Variants in ANKS1B observed in about 807,000 individuals in gnomAD.
ANKS1B encodes ankyrin repeat and sterile alpha motif domain containing 1B.
Under a neutral mutation model 148.3 loss-of-function variants are expected in ANKS1B, and 36 were observed. That is an observed-to-expected ratio of 0.24 (90% CI 0.19 to 0.32). ANKS1B has a LOEUF of 0.32. ANKS1B is among the 10% of genes least tolerant of loss of function. The probability of loss-of-function intolerance (pLI) is 1.00; values close to 1 mark genes in which losing one functional copy is unlikely to be tolerated. For missense variants in ANKS1B, 1,157 were observed against 1,542.6 expected (o/e 0.75, Z 4.19); for synonymous variants, 542 against 560.8 (o/e 0.97, Z 0.47).
At chr12:99,943,690 C>T (rs1227468862) in intron 1 of ANKS1B, among the ~76,000 whole-genome samples, 1 of 152,000 alleles carries the variant, frequency 6.6e-6, no homozygotes, top group East Asian at 1.9e-4. Flanking sequence ...CAATTACCCC[C>T]CACCAGGTCC....
At chr12:98,945,143 C>T (rs1403050698) in intron 17 of ANKS1B, among the ~76,000 whole-genome samples, 2 of 152,062 alleles carry the variant, frequency 1.3e-5, no homozygotes, top group Non-Finnish European at 2.9e-5. Flanking sequence ...ATATCAGATT[C>T]CAGATTTCAT....
intron 2 of ANKS1B, among the ~76,000 whole-genome samples, chr12:99,823,487 G>A (rs2082768063): frequency 1.3e-5 from 2 of 152,040 alleles, no homozygotes. Flanking sequence ...TGTAATTTTA[G>A]TAGAGACAGG....
At chr12:99,407,931 A>G (rs1373599681) in intron 11 of ANKS1B, among the ~76,000 whole-genome samples, 1 of 146,220 alleles carries the variant, frequency 6.8e-6, no homozygotes, top group Non-Finnish European at 1.5e-5. Context: ...ACCTAAAGCA[A>G]TCTACAGATT....
At chr12:99,228,333 G>A (rs1358064449) in intron 14 of ANKS1B, among the ~76,000 whole-genome samples, 1 of 152,046 alleles carries the variant, frequency 6.6e-6, no homozygotes, top group Non-Finnish European at 1.5e-5. Flanking sequence ...ATGATTTATT[G>A]TTAAATGAGA....
chr12:99,854,087 G>A (rs2088536400), intron 1 of ANKS1B, among the ~76,000 whole-genome samples: 1 of 152,152 alleles, frequency 6.6e-6, no homozygotes, highest in South Asian at 2.1e-4. Flanking sequence ...CTCGGCTCAT[G>A]TGCAAGCTCC....
intron 22 of ANKS1B, among the ~76,000 whole-genome samples, chr12:98,792,046 T>C (rs1167368687): frequency 2.6e-5 from 4 of 152,214 alleles, no homozygotes; most frequent in Non-Finnish European, 5.9e-5. Context: ...GAAATTTGTA[T>C]ATTTGAAAAT....
intron 9 of ANKS1B, among the ~76,000 whole-genome samples, chr12:99,542,894 A>G (rs901374595): frequency 6.6e-6 from 1 of 152,110 alleles, no homozygotes; most frequent in Non-Finnish European, 1.5e-5. Context: ...CTTGGGGAAG[A>G]AGTATAGATA....
chr12:98,940,221 T>C (rs1236420569), intron 17 of ANKS1B, among the ~76,000 whole-genome samples: 3 of 152,192 alleles, frequency 2.0e-5, no homozygotes, highest in African/African-American at 7.2e-5. Flanking sequence ...CTCCTCCATG[T>C]CTTTGCTCTC....
chr12:98,985,601 T>A (rs1017917750), intron 17 of ANKS1B, among the ~76,000 whole-genome samples: 1 of 151,690 alleles, frequency 6.6e-6, no homozygotes, highest in Non-Finnish European at 1.5e-5. Context: ...CTTCAAATAA[T>A]ATAATAATAT....
chr12:99,354,443 C>T (rs1027328033), intron 12 of ANKS1B, among the ~76,000 whole-genome samples: 4 of 151,918 alleles, frequency 2.6e-5, no homozygotes, highest in Admixed American at 6.6e-5. Flanking sequence ...TTTGTTTGTA[C>T]GTGATGTTGT....
chr12:99,707,637 G>A (rs188150797), intron 8 of ANKS1B, among the ~76,000 whole-genome samples: 5 of 152,144 alleles, frequency 3.3e-5, no homozygotes, highest in Admixed American at 6.5e-5. Context: ...AAGGTGATAT[G>A]TGGGTGGTGA....
At chr12:99,335,730 T>C (rs2088690544) in intron 12 of ANKS1B, among the ~76,000 whole-genome samples, 1 of 152,142 alleles carries the variant, frequency 6.6e-6, no homozygotes, top group Non-Finnish European at 1.5e-5. Flanking sequence ...TGCCACATTT[T>C]CTGTGGTACA....
chr12:99,415,582 T>A (rs1280070495), intron 11 of ANKS1B, among the ~76,000 whole-genome samples: 1 of 152,218 alleles, frequency 6.6e-6, no homozygotes. Flanking sequence ...CACTCATGTT[T>A]CTTTTTCCTA....
intron 1 of ANKS1B, among the ~76,000 whole-genome samples, chr12:99,958,939 T>C (rs2095363834): frequency 6.6e-6 from 1 of 152,118 alleles, no homozygotes; most frequent in African/African-American, 2.4e-5. Flanking sequence ...GAGGAGGAGA[T>C]GTTCAATAGG....
rs10695483 is a variant in ANKS1B at position 98,848,743 on chromosome 12, G to GTTTTTTTT, written c.2779-16615_2779-16608dup. On this transcript the variant is annotated intron_variant, in intron 17 of 26. Transcript: ENST00000683438. ...CTGGATTAATTTCTGTGTATGTGTG[G>GTTTTTTTT]TTTTTTTTTTTTTGAGACGGAGTCT... 1.5e-4 allele frequency among the ~76,000 whole-genome samples: 7 copies of GTTTTTTTT among 48,088 alleles called. 3 individuals are homozygous for GTTTTTTTT. Among genetic ancestry groups the GTTTTTTTT allele is most frequent in the South Asian group, 2.0e-3 (2 of 1,022 alleles). 31.5% of individuals were successfully genotyped at this position (48,088 alleles called of 152,430 possible). A position where few individuals can be genotyped will look rare whatever the true frequency, so the allele number is the denominator to read the frequency against.
intron 17 of ANKS1B, among the ~76,000 whole-genome samples, chr12:98,883,140 C>A (rs976523371): frequency 3.9e-5 from 6 of 152,106 alleles, no homozygotes; most frequent in Non-Finnish European, 1.5e-5. Flanking sequence ...CAAGGGATCC[C>A]AAATTATTTC....
chr12:99,807,077 C>A (rs2067713909), intron 3 of ANKS1B, among the ~76,000 whole-genome samples: 1 of 152,112 alleles, frequency 6.6e-6, no homozygotes, highest in Non-Finnish European at 1.5e-5. Flanking sequence ...TTATAACAGA[C>A]TTTTAATAGA....
intron 15 of ANKS1B, among the ~76,000 whole-genome samples, chr12:99,098,678 ATCT>A (rs2057049484): frequency 1.8e-5 from 1 of 54,072 alleles, no homozygotes. Context: ...AGCACTGTAA[ATCT>A]TCTAGTTTCA....
rs910858338 is a variant in ANKS1B at position 99,321,511 on chromosome 12, C to T, written c.1757-74647G>A. 4.6e-5 allele frequency among the ~76,000 whole-genome samples: 7 copies of T among 152,298 alleles called. 1 individual carries two copies. The highest frequency in any genetic ancestry group is 1.9e-4 in the East Asian group (1 of 5,166). Reference sequence around the variant, plus strand: ...GCATGGGACCCTCCGAGCCAAGTGCCGGATATAATCTACTGGTGTGCTGTT... The same window carrying T: ...GCATGGGACCCTCCGAGCCAAGTGCTGGATATAATCTACTGGTGTGCTGTT... On this transcript the variant is annotated intron_variant, in intron 12 of 26. Coordinates refer to ENST00000683438, the MANE Select transcript of ANKS1B (RefSeq NM_001352186.2).
Sources: gnomAD v4.1 joint callset for allele counts (sites outside exome capture counted in the v4.1 genomes callset) on GRCh38, gnomAD v4.1.1 for gene constraint, MANE v1.5 for transcripts, NCBI Gene and HGNC (gene_info 2026-07-23, HGNC 2026-07-21) for gene names.